The following FHIT variants were observed in gnomAD, a reference collection of about 807,000 sequenced individuals.
FHIT encodes the protein fragile histidine triad diadenosine triphosphatase, also known as bis(5'-adenosyl)-triphosphatase.
A neutral mutation model predicts 17.9 loss-of-function variants in FHIT; 19 were observed. The observed-to-expected ratio is 1.06, with a 90% CI of 0.74 to 1.56. The LOEUF (loss-of-function observed/expected upper bound fraction) is 1.56, where lower values mean the gene tolerates loss of function less well. Ranked by LOEUF, FHIT falls within the 40% of genes most tolerant of loss-of-function variation. The probability of loss-of-function intolerance (pLI) is 0.00; values close to 1 mark genes in which losing one functional copy is unlikely to be tolerated. For missense variants in FHIT, 248 were observed against 189.2 expected, an observed-to-expected ratio of 1.31 and a Z score of -1.82; for synonymous variants, 81 against 69.7, an observed-to-expected ratio of 1.16 and a Z score of -0.81.
intron 4 of FHIT, among the ~76,000 whole-genome samples, chr3:60,802,131 A>G (rs782248160): frequency 2.0e-5 from 3 of 152,162 alleles, no homozygotes; most frequent in Non-Finnish European, 2.9e-5. Context: ...CTATCATTCA[A>G]TCATGTTGCT....
chr3:59,841,345 T>C (rs1209277145), intron 8 of FHIT, among the ~76,000 whole-genome samples: 8 of 152,188 alleles, frequency 5.3e-5, no homozygotes, highest in Non-Finnish European at 1.2e-4. Flanking sequence ...GGATAGTGAT[T>C]AGCAAGCACT....
intron 4 of FHIT, among the ~76,000 whole-genome samples, chr3:60,785,104 G>A (rs11921857): frequency 7.2e-5 from 11 of 152,316 alleles, no homozygotes; most frequent in African/African-American, 2.6e-4. Flanking sequence ...AGCCAGAGGT[G>A]TAACTGGAAT....
chr3:60,652,310 C>G (rs184513006), intron 4 of FHIT, among the ~76,000 whole-genome samples: 1 of 152,138 alleles, frequency 6.6e-6, no homozygotes, highest in Non-Finnish European at 1.5e-5. Context: ...GTGTTAAAAC[C>G]TCACTCTAGG....
intron 8 of FHIT, among the ~76,000 whole-genome samples, chr3:59,905,414 C>T (rs1167084966): frequency 1.3e-5 from 2 of 152,292 alleles, no homozygotes; most frequent in East Asian, 3.9e-4. Context: ...GGTAGAAGGG[C>T]ATGCACTCTG....
chr3:60,711,389 C>T (rs540613788), intron 4 of FHIT, among the ~76,000 whole-genome samples: 57 of 152,332 alleles, frequency 3.7e-4, no homozygotes, highest in African/African-American at 1.3e-3. Flanking sequence ...CAAAGGAACG[C>T]AGCTCCTCAC....
chr3:60,360,998 T>A lies in FHIT; in HGVS notation c.103+175862A>T, dbSNP rs145944293. On this transcript the variant is annotated intron_variant, in intron 5 of 9. Coordinates refer to ENST00000492590, the MANE Select transcript of FHIT (RefSeq NM_002012.4). ...GATTCCTACTTTTCTCCCCACAAAT[T>A]CATATACCTCCCACTGCTTAGCTTA... Among the ~76,000 whole-genome samples, 3 of 152,300 alleles carry A rather than the reference T, an allele frequency of 2.0e-5. 1 individual carries two copies. The highest frequency in any genetic ancestry group is 6.8e-3 in the Middle Eastern group (2 of 294).
chr3:60,375,594 A>C (rs921039679), intron 5 of FHIT, among the ~76,000 whole-genome samples: 7 of 152,258 alleles, frequency 4.6e-5, no homozygotes, highest in African/African-American at 1.7e-4. Flanking sequence ...ATATATATTG[A>C]AAGTATAAAT....
Position 60,029,897 on chromosome 3 carries a change from C to CTGTGTGTGTGTG in FHIT, c.104-15757_104-15746dup, listed in dbSNP as rs71089569. Among the ~76,000 whole-genome samples the CTGTGTGTGTGTG allele has an allele frequency of 4.9e-3, 628 of 127,902 alleles. 3 individuals carry two copies. The highest frequency in any genetic ancestry group is 0.025 in the Middle Eastern group (6 of 242). The allele number at this position is 127,902 out of a possible 152,430, so 83.9% of individuals were successfully genotyped here. ...AGAAGCATTGTGTGTGTGTGTGTGT[C>CTGTGTGTGTGTG]TGTGTGTGTGTGTGTGTGTGTGTGT... On this transcript the variant is annotated intron_variant, in intron 5 of 9. Transcript: ENST00000492590.
At chr3:60,460,992 A>C (rs1276874249) in intron 5 of FHIT, among the ~76,000 whole-genome samples, 2 of 152,210 alleles carry the variant, frequency 1.3e-5, no homozygotes, top group Non-Finnish European at 2.9e-5. Flanking sequence ...TAAGTTTAAA[A>C]AATAACAAAA....
intron 5 of FHIT, among the ~76,000 whole-genome samples, chr3:60,352,987 T>C (rs974711523): frequency 5.3e-5 from 8 of 152,174 alleles, no homozygotes; most frequent in African/African-American, 1.9e-4. Flanking sequence ...GCAAAACAGG[T>C]GGCTCACTGG....
intron 5 of FHIT, among the ~76,000 whole-genome samples, chr3:60,423,349 G>A (rs1702545579): frequency 6.6e-6 from 1 of 151,970 alleles, no homozygotes; most frequent in Admixed American, 6.6e-5. Flanking sequence ...TTCTACAATG[G>A]GTTTTCTGAG....
intron 4 of FHIT, among the ~76,000 whole-genome samples, chr3:60,646,834 A>C (rs1314528121): frequency 6.6e-6 from 1 of 152,230 alleles, no homozygotes; most frequent in African/African-American, 2.4e-5. Context: ...TCAAATCAGA[A>C]CACTTCTCCC....
intron 5 of FHIT, among the ~76,000 whole-genome samples, chr3:60,100,817 T>G (rs1276020439): frequency 1.3e-5 from 2 of 150,568 alleles, no homozygotes; most frequent in Non-Finnish European, 3.0e-5. Context: ...CAGACAAAAT[T>G]AAAACAGAGA....
intron 2 of FHIT, among the ~76,000 whole-genome samples, chr3:61,119,823 C>T (rs532862525): frequency 6.6e-5 from 10 of 152,288 alleles, no homozygotes; most frequent in African/African-American, 2.4e-4. Flanking sequence ...CTCTGGTTTT[C>T]AGGCTTTCAG....
At chr3:60,070,870 T>C (rs1702738116) in intron 5 of FHIT, among the ~76,000 whole-genome samples, 1 of 152,246 alleles carries the variant, frequency 6.6e-6, no homozygotes, top group African/African-American at 2.4e-5. Context: ...TTTAAGGGAT[T>C]CGGCTAAAAT....
chr3:59,770,757 C>T (rs762088503), intron 8 of FHIT, among the ~76,000 whole-genome samples: 2 of 152,198 alleles, frequency 1.3e-5, no homozygotes, highest in Non-Finnish European at 2.9e-5. Flanking sequence ...GATGCCAAGG[C>T]TCAGAAAAGC....
At chr3:61,247,030 T>C (rs1300592575) in intron 1 of FHIT, among the ~76,000 whole-genome samples, 2 of 141,032 alleles carry the variant, frequency 1.4e-5, no homozygotes, top group Non-Finnish European at 3.1e-5. Context: ...CTGTCCTCCA[T>C]TGTACTAGGT....
At chr3:60,690,677 C>T (rs939882421) in intron 4 of FHIT, 6 of 479,404 alleles carry the variant, frequency 1.3e-5, no homozygotes, top group South Asian at 3.3e-5. Flanking sequence ...CCCAAGGGCT[C>T]GCTATTGACA....
intron 2 of FHIT, among the ~76,000 whole-genome samples, chr3:61,160,586 A>T (rs2037659809): frequency 6.6e-6 from 1 of 152,206 alleles, no homozygotes. Flanking sequence ...ATATTTTAAA[A>T]CAACAGAAGG....
Sources: allele counts gnomAD v4.1 joint callset (sites outside exome capture counted in the v4.1 genomes callset), GRCh38; gene constraint gnomAD v4.1.1; transcripts MANE v1.5; gene names NCBI Gene and HGNC (gene_info 2026-07-23, HGNC 2026-07-21).